Variants in MYO10 observed in about 807,000 individuals in gnomAD.
The protein encoded by MYO10 is unconventional myosin-X.
MYO10 carries 133 observed loss-of-function variants against 257.3 expected under a neutral mutation model. The ratio of observed to expected loss-of-function variants is 0.52; its 90% CI spans 0.45 to 0.60. MYO10 has a LOEUF of 0.60. Among genes scored for constraint, MYO10 ranks in the 20% least tolerant of loss-of-function variants. MYO10 has a pLI of 0.00. For missense variants in MYO10, 2,399 were observed against 2,635.7 expected (o/e 0.91, Z 1.97); for synonymous variants, 1,104 against 1,028.6 (o/e 1.07, Z -1.40).
chr5:16,745,440 C>A (rs1463663508), intron 19 of MYO10, among the ~76,000 whole-genome samples: 3 of 152,182 alleles, frequency 2.0e-5, no homozygotes, highest in Non-Finnish European at 4.4e-5. Flanking sequence ...AATCCCAGCA[C>A]TTTGGGAGGC....
chr5:16,762,805 T>C lies in MYO10; in HGVS notation c.1495-168A>G, dbSNP rs545156498. 3.3e-5 allele frequency among the ~76,000 whole-genome samples: 5 copies of C among 151,690 alleles called. No individual in the cohort carries two copies. The South Asian group carries it at 1.0e-3, about 32-fold the overall frequency. ...AGTGAAACCCTGTTTCTACTAAATA[T>C]ACAAAAAAATTAACTGGGCGTGGTG... is the stretch of plus-strand genomic sequence containing the variant. On this transcript the variant is annotated intron_variant, in intron 14 of 40. Transcript: ENST00000513610.
chr5:16,928,445 G>A (rs1275862370), intron 1 of MYO10, among the ~76,000 whole-genome samples: 6 of 151,978 alleles, frequency 3.9e-5, no homozygotes, highest in South Asian at 4.2e-4. Context: ...CACCTGCCTC[G>A]GCCTCCCAAA....
chr5:16,887,454 T>C (rs977804065), intron 1 of MYO10, among the ~76,000 whole-genome samples: 1 of 152,214 alleles, frequency 6.6e-6, no homozygotes, highest in African/African-American at 2.4e-5. Flanking sequence ...CCCATAGTTA[T>C]GGGTTCCAAC....
rs1736107211 is a variant in MYO10 at position 16,665,239 on chromosome 5, C to CA, written c.*1452dup. On this transcript the variant is annotated 3_prime_UTR_variant, in exon 41 of 41. Transcript: ENST00000513610. The stretch of plus-strand genomic sequence containing the variant: ...AAAAAAAACCACCAAAAAGCCAAAA[C>CA]AAAAATAAGCCTCCCCTCCATGGTT... The CA allele has an allele frequency of 1.3e-5, 2 of 149,116 alleles. No homozygotes were observed. The highest frequency in any genetic ancestry group is 4.3e-4 in the South Asian group (2 of 4,688). 9.2% of individuals were successfully genotyped at this position (149,116 alleles called of 1,614,324 possible).
At chr5:16,906,690 G>A (rs538547740) in intron 1 of MYO10, among the ~76,000 whole-genome samples, 12 of 152,096 alleles carry the variant, frequency 7.9e-5, no homozygotes, top group Admixed American at 4.6e-4. Context: ...TCACTAGGTT[G>A]GCCAAAAAGG....
chr5:16,898,412 TC>T lies in MYO10; in HGVS notation c.22-20706del, dbSNP rs1204748972. On this transcript the variant is annotated intron_variant, in intron 1 of 40. Coordinates refer to ENST00000513610, the MANE Select transcript of MYO10 (RefSeq NM_012334.3). Reference sequence around the variant, plus strand: ...CCATACCCATTCTCAAATTTCTTTCTCTTTTTTTTTTTTTTTTGAGACAGAG... The same window carrying T: ...CCATACCCATTCTCAAATTTCTTTCTTTTTTTTTTTTTTTTTGAGACAGAG... Among the ~76,000 whole-genome samples, 871 of 118,456 alleles carry T rather than the reference TC, an allele frequency of 7.4e-3. 11 individuals are homozygous for T. The highest frequency in any genetic ancestry group is 0.026 in the African/African-American group (831 of 31,748). The allele number at this position is 118,456 out of a possible 152,430, so 77.7% of individuals were successfully genotyped here.
At chr5:16,802,586 G>A (rs1742151924) in intron 3 of MYO10, among the ~76,000 whole-genome samples, 1 of 150,714 alleles carries the variant, frequency 6.6e-6, no homozygotes, top group Admixed American at 6.6e-5. Flanking sequence ...GAACCCGGGA[G>A]GCAGAGCTTG....
At chr5:16,781,295 G>T (rs1403389467) in intron 6 of MYO10, among the ~76,000 whole-genome samples, 1 of 152,022 alleles carries the variant, frequency 6.6e-6, no homozygotes, top group East Asian at 1.9e-4. Flanking sequence ...GGCCGGGCTG[G>T]TCTCAAACTC....
At chr5:16,696,339 T>G (rs918106152) in intron 26 of MYO10, among the ~76,000 whole-genome samples, 1 of 152,202 alleles carries the variant, frequency 6.6e-6, no homozygotes, top group African/African-American at 2.4e-5. Context: ...CCATAAAATA[T>G]AAATTGGTGA....
At chr5:16,758,088 G>T in intron 18 of MYO10, 30 bp downstream of exon 18, 15 of 1,473,666 alleles carry the variant, frequency 1.0e-5, no homozygotes, top group Non-Finnish European at 1.4e-5. Context: ...AGTAACGACG[G>T]ATTCCTCTAA....
intron 19 of MYO10, among the ~76,000 whole-genome samples, chr5:16,725,787 C>CT (rs35020175): frequency 0.018 from 2,468 of 138,270 alleles, 35 homozygotes; most frequent in African/African-American, 0.035. Context: ...CAGGTACCCC[C>CT]TTTTTTTTTT....
At chr5:16,685,896 C>T in intron 28 of MYO10, 65 bp from the exon 29 acceptor site, 1 of 1,223,024 alleles carries the variant, frequency 8.2e-7, no homozygotes. Context: ...CAATAGTGCC[C>T]TACTGCACGT....
At chr5:16,914,867 T>G (rs1208649154) in intron 1 of MYO10, among the ~76,000 whole-genome samples, 1 of 152,258 alleles carries the variant, frequency 6.6e-6, no homozygotes, top group Non-Finnish European at 1.5e-5. Flanking sequence ...GGATCCCATC[T>G]GGCTGTGGGA....
intron 1 of MYO10, among the ~76,000 whole-genome samples, chr5:16,912,036 C>CA (rs1314002131): frequency 1.0e-3 from 149 of 143,862 alleles, no homozygotes; most frequent in African/African-American, 1.3e-3. Flanking sequence ...ATTCCGTCTC[C>CA]AAAAAAAAAA....
intron 33 of MYO10, among the ~76,000 whole-genome samples, chr5:16,678,032 A>G (rs1223266515): frequency 6.6e-6 from 1 of 152,124 alleles, no homozygotes; most frequent in Non-Finnish European, 1.5e-5. Context: ...AAGTGCTCAG[A>G]TTACAGGCAT....
Position 16,686,708 on chromosome 5 carries a change from G to A in MYO10, c.3897-877C>T, listed in dbSNP as rs142664071. 7.7e-3 allele frequency among the ~76,000 whole-genome samples: 1,118 copies of A among 145,396 alleles called. 5 individuals are homozygous for A. The highest frequency in any genetic ancestry group is 0.011 in the South Asian group (48 of 4,562). ...GCCCGGCTAATTTTTGGTATTTTCA[G>A]TAGAGATGGGGTTTCACTATGTTGG... On this transcript the variant is annotated intron_variant, in intron 28 of 40. Transcript: ENST00000513610.
intron 4 of MYO10, among the ~76,000 whole-genome samples, chr5:16,790,091 C>T (rs250348): frequency 1.3e-5 from 2 of 151,454 alleles, no homozygotes; most frequent in South Asian, 2.1e-4. Flanking sequence ...AGTTTTGTTC[C>T]GCATTCCAAC....
intron 2 of MYO10, among the ~76,000 whole-genome samples, chr5:16,873,641 G>C (rs2126758406): frequency 6.6e-6 from 1 of 152,356 alleles, no homozygotes; most frequent in African/African-American, 2.4e-5. Context: ...TGGGCATTCA[G>C]GCATTTCCAC....
At chr5:16,781,882 C>T (rs983094144) in intron 5 of MYO10, 53 bp from the exon 6 acceptor site, 1 of 1,587,024 alleles carries the variant, frequency 6.3e-7, no homozygotes, top group East Asian at 2.3e-5. Flanking sequence ...GGTCTGAAGA[C>T]AGCAATAGCA....
Sources: allele counts gnomAD v4.1 joint callset (sites outside exome capture counted in the v4.1 genomes callset), GRCh38; gene constraint gnomAD v4.1.1; transcripts MANE v1.5; gene names NCBI Gene and HGNC (gene_info 2026-07-23, HGNC 2026-07-21).